Variants in SEPTIN9 observed in about 807,000 individuals in gnomAD.
The protein encoded by SEPTIN9 is septin-9.
Under a neutral mutation model 56.6 loss-of-function variants are expected in SEPTIN9, and 13 were observed. The observed-to-expected ratio is 0.23, with a 90% CI of 0.15 to 0.37. The LOEUF is 0.37. SEPTIN9 is among the 10% of genes least tolerant of loss of function. The pLI is 1.00. For missense variants in SEPTIN9, 650 were observed against 823.1 expected, an observed-to-expected ratio of 0.79 and a Z score of 2.57; for synonymous variants, 332 against 334.1, an observed-to-expected ratio of 0.99 and a Z score of 0.07.
intron 3 of SEPTIN9, among the ~76,000 whole-genome samples, chr17:77,481,117 T>G (rs2039437317): frequency 6.6e-6 from 1 of 152,210 alleles, no homozygotes. Context: ...GGAACCCCAC[T>G]GTGTGGGAGC....
chr17:77,382,569 G>A (rs569434816), intron 2 of SEPTIN9, among the ~76,000 whole-genome samples: 1 of 152,370 alleles, frequency 6.6e-6, no homozygotes, highest in Non-Finnish European at 1.5e-5. Context: ...TGGAGGGCTG[G>A]GAGGGACCAG....
In SEPTIN9 at chr17:77,402,575, C is replaced by T. The variant is rs201468152; in HGVS notation, c.593C>T (p.Ala198Val). ...ATCCAGATGCCCAAGCCTGCTGAGGCGCCCACCGCCCCCAGCCCAGCCCAG... is the reference window on the plus strand; with the variant it reads ...ATCCAGATGCCCAAGCCTGCTGAGGTGCCCACCGCCCCCAGCCCAGCCCAG... ...VEIQMPKPAEAPTAPSPAQTL... is the reference protein window; with the variant it reads ...VEIQMPKPAEVPTAPSPAQTL... Residue 198 changes from alanine (A) to valine (V), a missense_variant, in exon 3 of 12, where the codon GCG becomes GTG. Around this residue, in one of 2 missense-constraint regions of SEPTIN9, gnomAD observed 317 missense variants for 329.1 expected, o/e 0.96. Transcript: ENST00000427177. The surrounding 1 kb of genome is among the most constrained non-coding windows in gnomAD (Gnocchi z 6.6). 5.3e-4 allele frequency: 858 copies of T among 1,611,204 alleles called. 3 individuals carry two copies. The highest frequency in any genetic ancestry group is 1.2e-3 in the Admixed American group (72 of 59,626).
At chr17:77,468,172 G>A (rs1598422629) in intron 3 of SEPTIN9, among the ~76,000 whole-genome samples, 2 of 152,320 alleles carry the variant, frequency 1.3e-5, no homozygotes, top group South Asian at 4.1e-4. Context: ...GGCTGAGGCA[G>A]GAGAATGGCG....
At chr17:77,387,982 C>G (rs1229142021) in intron 2 of SEPTIN9, among the ~76,000 whole-genome samples, 2 of 151,826 alleles carry the variant, frequency 1.3e-5, no homozygotes, top group African/African-American at 2.4e-5. Context: ...GCAGCTACCC[C>G]CTACCCCAGA....
chr17:77,491,224 T>C (rs77985877), intron 8 of SEPTIN9, among the ~76,000 whole-genome samples: 21 of 31,370 alleles, frequency 6.7e-4, no homozygotes, highest in South Asian at 2.1e-3. Flanking sequence ...ATGCCCCCCC[T>C]TTTTTTTTTT....
intron 2 of SEPTIN9, among the ~76,000 whole-genome samples, chr17:77,339,371 G>A (rs2033654588): frequency 6.6e-6 from 1 of 152,220 alleles, no homozygotes; most frequent in Non-Finnish European, 1.5e-5. Context: ...ATGGGCTGCA[G>A]AATGGGTGTT....
chr17:77,365,324 C>T (rs994459713), intron 2 of SEPTIN9, among the ~76,000 whole-genome samples: 1 of 152,054 alleles, frequency 6.6e-6, no homozygotes, highest in African/African-American at 2.4e-5. Flanking sequence ...CTCTCTCTTT[C>T]TCTCTTTCTT....
chr17:77,381,831 C>T (rs976031249), intron 2 of SEPTIN9, among the ~76,000 whole-genome samples: 4 of 152,088 alleles, frequency 2.6e-5, no homozygotes, highest in Admixed American at 2.0e-4. Context: ...TTTGTTTATC[C>T]AACAGCCATC....
chr17:77,358,006 T>C (rs1371481727), intron 2 of SEPTIN9, among the ~76,000 whole-genome samples: 3 of 152,238 alleles, frequency 2.0e-5, no homozygotes, highest in Admixed American at 6.5e-5. Flanking sequence ...GGGCTACCAG[T>C]TACCAAGCTC....
In SEPTIN9 at chr17:77,369,335, G is replaced by T. The variant is rs776536470; in HGVS notation, c.77-32724G>T. Among the ~76,000 whole-genome samples the T allele has an allele frequency of 1.4e-4, 22 of 152,208 alleles. No homozygotes were observed. The highest frequency in any genetic ancestry group is 3.1e-4 in the Non-Finnish European group (21 of 68,038). ...GAAACTGAGTGTTGTTGCTTTTGCTGGCCCCAGGTGGCCGGTTGTTGACCG... is the reference window on the plus strand; with the variant it reads ...GAAACTGAGTGTTGTTGCTTTTGCTTGCCCCAGGTGGCCGGTTGTTGACCG... On this transcript the variant is annotated intron_variant, in intron 2 of 11. Coordinates refer to ENST00000427177, the MANE Select transcript of SEPTIN9 (RefSeq NM_001113491.2). The surrounding 1 kb of genome is among the most constrained non-coding windows in gnomAD (Gnocchi z 4.9).
chr17:77,407,282 C>CAAAA (rs58585658), intron 3 of SEPTIN9, among the ~76,000 whole-genome samples: 1,126 of 44,560 alleles, frequency 0.025, 138 homozygotes, highest in Non-Finnish European at 0.041. Context: ...GACCCTGTCT[C>CAAAA]AAAAAAAAAA....
Position 77,488,715 on chromosome 17 carries a change from TC to T in SEPTIN9, c.1125-7del, listed in dbSNP as rs1384788270. The T allele has an allele frequency of 1.9e-6, 3 of 1,613,178 alleles. No individual in the cohort carries two copies. In the African/African-American group the frequency reaches 4.0e-5, roughly 22 times the overall value. On this transcript the variant is annotated splice_polypyrimidine_tract_variant and intron_variant, in intron 6 of 11. Transcript: ENST00000427177. ...TCATGTGCCTGCTGACTCGTCCCCA[TC>T]CCCCACGCAGCTGGCAGCCCATCAT...
rs1006164541 is a variant in SEPTIN9 at position 77,453,573 on chromosome 17, C to T, written c.722-28571C>T. On this transcript the variant is annotated intron_variant, in intron 3 of 11. Transcript: ENST00000427177. This position sits in a 1 kb window ranked among gnomAD's most constrained non-coding sequence, Gnocchi z 4.4. The stretch of plus-strand genomic sequence containing the variant: ...TGAGCTGAGATTGTGCTACTGCACT[C>T]CAGTCTGGGCAACAAGAGTGAAACT... 7.9e-5 allele frequency among the ~76,000 whole-genome samples: 12 copies of T among 151,100 alleles called. No homozygotes were observed. The Middle Eastern group carries it at 0.01, about 129-fold the overall frequency.
intron 7 of SEPTIN9, among the ~76,000 whole-genome samples, chr17:77,490,136 C>T (rs2039960872): frequency 6.6e-6 from 1 of 152,236 alleles, no homozygotes; most frequent in East Asian, 1.9e-4. Context: ...CTGCCCGGAG[C>T]GGGCTTCTCC....
intron 2 of SEPTIN9, among the ~76,000 whole-genome samples, chr17:77,334,443 T>A (rs1033565812): frequency 5.6e-4 from 78 of 139,832 alleles, no homozygotes; most frequent in African/African-American, 1.9e-3. Flanking sequence ...AAAAAAAAAA[T>A]GTTGTTTCAT....
rs139340778 is a variant in SEPTIN9, at chr17:77,449,227, C to A, written c.722-32917C>A. 8.5e-3 allele frequency among the ~76,000 whole-genome samples: 1,293 copies of A among 152,198 alleles called. 21 individuals are homozygous for A. Among genetic ancestry groups the A allele is most frequent in the South Asian group, 0.056 (269 of 4,820 alleles). On this transcript the variant is annotated intron_variant, in intron 3 of 11. Coordinates refer to ENST00000427177, the MANE Select transcript of SEPTIN9 (RefSeq NM_001113491.2). The surrounding 1 kb of genome is among the most constrained non-coding windows in gnomAD (Gnocchi z 4.6). Reference sequence around the variant, plus strand: ...ACCTGAATGCTGAGTGTGTGCTGAGCGGTAGAGAACTTTGAGAAGTGCTGA... The same window carrying A: ...ACCTGAATGCTGAGTGTGTGCTGAGAGGTAGAGAACTTTGAGAAGTGCTGA...
In SEPTIN9 at chr17:77,412,943, G is replaced by A. The variant is rs919775823; in HGVS notation, c.721+10240G>A. ...AATTATAGGAAAGAATTTCACCCACGTTTTCTTCTAGTACTTCTGTGGTTT... is the reference window on the plus strand; with the variant it reads ...AATTATAGGAAAGAATTTCACCCACATTTTCTTCTAGTACTTCTGTGGTTT... On this transcript the variant is annotated intron_variant, in intron 3 of 11. Coordinates refer to ENST00000427177, the MANE Select transcript of SEPTIN9 (RefSeq NM_001113491.2). 6.6e-5 allele frequency among the ~76,000 whole-genome samples: 10 copies of A among 152,072 alleles called. 1 individual carries two copies. Among genetic ancestry groups the A allele is most frequent in the Admixed American group, 5.9e-4 (9 of 15,264 alleles).
At chr17:77,298,182 G>A (rs1048965284) in intron 1 of SEPTIN9, among the ~76,000 whole-genome samples, 3 of 152,220 alleles carry the variant, frequency 2.0e-5, no homozygotes, top group Non-Finnish European at 1.5e-5. Flanking sequence ...TTCAGTAGGC[G>A]GTGAGCATGG....
In SEPTIN9 at chr17:77,392,455, C is replaced by T. The variant is rs372061508; in HGVS notation, c.77-9604C>T. ...GGAAATGGTTCTTTTCCTCCTTGTC[C>T]AGAGGTACTGTGGATGATGACCCCA... On this transcript the variant is annotated intron_variant, in intron 2 of 11. Transcript: ENST00000427177. Among the ~76,000 whole-genome samples, 30 of 152,298 alleles carry T rather than the reference C, an allele frequency of 2.0e-4. No homozygotes were observed. The South Asian group carries it at 2.7e-3, about 14-fold the overall frequency.
Sources: gnomAD v4.1 joint callset for allele counts (sites outside exome capture counted in the v4.1 genomes callset) on GRCh38, gnomAD v4.1.1 for gene constraint, gnomAD v4.1.1 regional missense constraint, Gnocchi (gnomAD v3.1) non-coding constraint, MANE v1.5 for transcripts, NCBI Gene and HGNC (gene_info 2026-07-23, HGNC 2026-07-21) for gene names.